ITFG1: variants seen among roughly 807,000 people sequenced by gnomAD.
The protein encoded by ITFG1 is integrin alpha FG-GAP repeat containing 1, also known as T-cell immunomodulatory protein.
In ITFG1, 34 loss-of-function variants were observed where a neutral mutation model predicts 81.8. The ratio of observed to expected loss-of-function variants is 0.42; its 90% CI spans 0.32 to 0.55. ITFG1 has a LOEUF of 0.55. ITFG1 is among the 20% of genes least tolerant of loss of function. ITFG1 has a pLI of 0.17. For synonymous variants in ITFG1, 285 were observed against 270.6 expected (o/e 1.05, Z -0.52); for missense variants, 672 against 755.4 (o/e 0.89, Z 1.29).
At chr16:47,174,400 A>G (rs1247899535) in intron 14 of ITFG1, among the ~76,000 whole-genome samples, 1 of 152,192 alleles carries the variant, frequency 6.6e-6, no homozygotes, top group African/African-American at 2.4e-5. Flanking sequence ...AGGAAGACCC[A>G]CTAGCTGAAG....
chr16:47,387,067 A>G (rs1489507209), intron 6 of ITFG1, among the ~76,000 whole-genome samples: 1 of 152,198 alleles, frequency 6.6e-6, no homozygotes, highest in East Asian at 1.9e-4. Context: ...ATATCAGACC[A>G]TGGAGCAATT....
At chr16:47,357,107 T>C (rs573985415) in intron 8 of ITFG1, among the ~76,000 whole-genome samples, 5 of 152,178 alleles carry the variant, frequency 3.3e-5, no homozygotes, top group South Asian at 2.1e-4. Flanking sequence ...CCATTTATCA[T>C]AGATCAATTA....
chr16:47,437,388 C>T (rs771681216), intron 5 of ITFG1, among the ~76,000 whole-genome samples: 24 of 150,654 alleles, frequency 1.6e-4, no homozygotes, highest in East Asian at 5.9e-4. Flanking sequence ...GGACTGCTTG[C>T]GGCCAGGAGC....
chr16:47,455,089 A>G (rs1969435141), intron 2 of ITFG1, among the ~76,000 whole-genome samples: 1 of 152,230 alleles, frequency 6.6e-6, no homozygotes, highest in African/African-American at 2.4e-5. Context: ...GGAGTTAACC[A>G]AAAGTCTACA....
intron 14 of ITFG1, among the ~76,000 whole-genome samples, chr16:47,194,638 TCTC>T (rs1420573669): frequency 5.3e-5 from 8 of 152,142 alleles, no homozygotes; most frequent in Non-Finnish European, 1.0e-4. Flanking sequence ...ATTTCACACT[TCTC>T]CTCAATGTGC....
rs547055384 is a variant in ITFG1, at chr16:47,460,962, C to A, written c.84G>T (p.Pro28=). The change falls in exon 1 of 18, where the codon CCG becomes CCT. Residue 28 remains proline (P), a synonymous_variant. Coordinates refer to ENST00000320640, the MANE Select transcript of ITFG1 (RefSeq NM_030790.5). ...LAGLALLGVG[P]VPARALHNVT... is the part of the protein sequence containing the mutation. ...CGTTGTGCAGCGCCCGCGCTGGGAC[C>A]GGCCCGACTCCCAGTAGTGCAAGCC... The A allele has an allele frequency of 1.4e-5, 23 of 1,604,142 alleles. No individual in the cohort carries two copies. Among genetic ancestry groups the A allele is most frequent in the Non-Finnish European group, 2.0e-5 (23 of 1,175,672 alleles).
At chr16:47,388,037 G>A (rs1288165392) in intron 6 of ITFG1, among the ~76,000 whole-genome samples, 1 of 152,030 alleles carries the variant, frequency 6.6e-6, no homozygotes, top group Admixed American at 6.5e-5. Flanking sequence ...TGGAAATTAT[G>A]GAACTGAAAG....
At chr16:47,276,602 T>G (rs1683038910) in intron 10 of ITFG1, among the ~76,000 whole-genome samples, 1 of 152,146 alleles carries the variant, frequency 6.6e-6, no homozygotes, top group African/African-American at 2.4e-5. Flanking sequence ...GGGAAGGTAT[T>G]TCCCTATCAG....
chr16:47,450,101 T>C (rs1203482863), intron 5 of ITFG1: 1 of 153,244 alleles, frequency 6.5e-6, no homozygotes, highest in African/African-American at 2.4e-5. Context: ...CCATTTGCTG[T>C]GGAAGGAGCG....
At chr16:47,178,741 TA>T (rs1294412464) in intron 14 of ITFG1, among the ~76,000 whole-genome samples, 2 of 152,072 alleles carry the variant, frequency 1.3e-5, no homozygotes, top group Non-Finnish European at 2.9e-5. Flanking sequence ...CTAATTAAAC[TA>T]AAGAGCTTCT....
chr16:47,373,279 T>C (rs1271313395), intron 7 of ITFG1, among the ~76,000 whole-genome samples: 2 of 152,160 alleles, frequency 1.3e-5, no homozygotes, highest in African/African-American at 2.4e-5. Flanking sequence ...TGTTGAATAC[T>C]ACATCTTTTT....
intron 8 of ITFG1, among the ~76,000 whole-genome samples, chr16:47,328,193 C>T (rs530750879): frequency 2.6e-5 from 4 of 152,106 alleles, no homozygotes; most frequent in East Asian, 1.9e-4. Context: ...AAGCTGCAAA[C>T]CATTATTCTC....
intron 6 of ITFG1, among the ~76,000 whole-genome samples, chr16:47,384,957 T>C (rs931834751): frequency 4.6e-5 from 7 of 152,158 alleles, no homozygotes; most frequent in African/African-American, 1.4e-4. Flanking sequence ...GATGTGGAAA[T>C]TGACAAATAC....
intron 13 of ITFG1, among the ~76,000 whole-genome samples, chr16:47,219,728 C>T (rs1011129056): frequency 2.6e-5 from 4 of 152,130 alleles, no homozygotes; most frequent in African/African-American, 9.6e-5. Flanking sequence ...GCTACTGATG[C>T]TTTAAAAATG....
chr16:47,345,924 GTAA>G (rs1967848162), intron 8 of ITFG1, among the ~76,000 whole-genome samples: 3 of 152,170 alleles, frequency 2.0e-5, no homozygotes, highest in Admixed American at 2.0e-4. Flanking sequence ...GAATAGAGAA[GTAA>G]ATAGTAATAC....
intron 14 of ITFG1, among the ~76,000 whole-genome samples, chr16:47,214,924 A>G (rs113085208): frequency 4.1e-5 from 2 of 48,632 alleles, no homozygotes; most frequent in African/African-American, 4.5e-4. Context: ...GTGTGAAAAC[A>G]CACACACACA....
At chr16:47,234,984 C>G (rs1965857457) in intron 13 of ITFG1, among the ~76,000 whole-genome samples, 1 of 152,184 alleles carries the variant, frequency 6.6e-6, no homozygotes, top group Non-Finnish European at 1.5e-5. Context: ...GAGGTGCCTT[C>G]CACCATGATT....
At position 47,375,821 on chromosome 16, in the gene ITFG1, T is replaced by A. The variant is rs185999848; in HGVS notation, c.720+55A>T. 3.9e-4 allele frequency: 395 copies of A among 1,025,942 alleles called. No individual in the cohort carries two copies. In the African/African-American group the frequency reaches 5.3e-3, roughly 14 times the overall value. 63.6% of individuals were successfully genotyped at this position (1,025,942 alleles called of 1,614,324 possible). A position where few individuals can be genotyped will look rare whatever the true frequency, so the allele number is the denominator to read the frequency against. ...ATTTTCATTTTATTTTCTAAAATTGTGTGCTTTTACTGAAAGCCATCATTT... is the reference window on the plus strand; with the variant it reads ...ATTTTCATTTTATTTTCTAAAATTGAGTGCTTTTACTGAAAGCCATCATTT... On this transcript the variant is annotated intron_variant, in intron 7 of 17. Transcript: ENST00000320640.
intron 10 of ITFG1, among the ~76,000 whole-genome samples, chr16:47,304,584 G>A (rs2151561210): frequency 6.6e-6 from 1 of 152,260 alleles, no homozygotes; most frequent in Non-Finnish European, 1.5e-5. Context: ...CTGTACATTT[G>A]TTTCTCCATT....
Sources: gnomAD v4.1 joint callset for allele counts (sites outside exome capture counted in the v4.1 genomes callset) on GRCh38, gnomAD v4.1.1 for gene constraint, MANE v1.5 for transcripts, NCBI Gene and HGNC (gene_info 2026-07-23, HGNC 2026-07-21) for gene names.